Variants in RABGAP1L observed in about 807,000 individuals in gnomAD.
RABGAP1L encodes the protein rab GTPase-activating protein 1-like.
RABGAP1L carries 63 observed loss-of-function variants against 137.7 expected under a neutral mutation model. The ratio of observed to expected loss-of-function variants is 0.46; its 90% CI spans 0.37 to 0.56. The LOEUF is 0.56. RABGAP1L is among the 20% of genes least tolerant of loss of function. The probability of loss-of-function intolerance (pLI) is 0.00; values close to 1 mark genes in which losing one functional copy is unlikely to be tolerated. For synonymous variants in RABGAP1L, 431 were observed against 433.7 expected (o/e 0.99, Z 0.08); for missense variants, 1,095 against 1,244.0 (o/e 0.88, Z 1.80).
At chr1:174,885,448 C>T (rs1249399202) in intron 19 of RABGAP1L, among the ~76,000 whole-genome samples, 1 of 152,144 alleles carries the variant, frequency 6.6e-6, no homozygotes, top group Admixed American at 6.5e-5. Flanking sequence ...GCCTCAACCT[C>T]CTAGGATCAG....
In RABGAP1L at chr1:174,448,553, T is replaced by G; in HGVS notation, c.1710+54408T>G. ...TTATCTTGCAATAACCAAGCCTCTT[T>G]CCTACAATCAACTGGTCACCCCTTG... is the stretch of plus-strand genomic sequence containing the variant. On this transcript the variant is annotated intron_variant, in intron 13 of 25. Transcript: ENST00000681986. This position sits in a 1 kb window ranked among gnomAD's most constrained non-coding sequence, Gnocchi z 4.2. 1 of 1,613,478 alleles carries G rather than the reference T, an allele frequency of 6.2e-7. No homozygotes were observed. The highest frequency in any genetic ancestry group is 8.5e-7 in the Non-Finnish European group (1 of 1,179,464).
chr1:174,981,799 T>C (rs1671156536), intron 23 of RABGAP1L, among the ~76,000 whole-genome samples: 1 of 152,182 alleles, frequency 6.6e-6, no homozygotes, highest in Admixed American at 6.5e-5. Context: ...TTCTAATACT[T>C]GTTAGCACCT....
At chr1:174,325,548 T>A (rs1395160917) in intron 11 of RABGAP1L, among the ~76,000 whole-genome samples, 1 of 152,220 alleles carries the variant, frequency 6.6e-6, no homozygotes, top group Non-Finnish European at 1.5e-5. Context: ...TCTCTGTGAC[T>A]AAGATGCCTC....
intron 13 of RABGAP1L, among the ~76,000 whole-genome samples, chr1:174,626,881 T>C (rs1235438302): frequency 6.6e-6 from 1 of 152,186 alleles, no homozygotes; most frequent in Non-Finnish European, 1.5e-5. Context: ...AGCAGACCAA[T>C]TTGTGATGTT....
At chr1:174,530,740 T>C (rs1664318195) in intron 13 of RABGAP1L, among the ~76,000 whole-genome samples, 1 of 152,190 alleles carries the variant, frequency 6.6e-6, no homozygotes, top group South Asian at 2.1e-4. Context: ...CTCACTATTT[T>C]GGTTCTTCTT....
At chr1:174,275,070 A>G (rs1037589055) in intron 8 of RABGAP1L, 4 of 152,182 alleles carry the variant, frequency 2.6e-5, no homozygotes, top group Non-Finnish European at 5.9e-5. Context: ...TACACAAGCT[A>G]TAAGTAGCCT....
In RABGAP1L at chr1:174,241,538, T is replaced by G; in HGVS notation, c.598T>G (p.Leu200Val). Residue 200 changes from leucine to valine, a missense_variant, in exon 5 of 26, where the codon TTA becomes GTA. Physicochemically the swap from Leu to Val is conservative, Grantham distance 32. Around this residue, in one of 4 missense-constraint regions of RABGAP1L, gnomAD observed 356 missense variants for 326.3 expected, o/e 1.09. Coordinates refer to ENST00000681986, the MANE Select transcript of RABGAP1L (RefSeq NM_001366446.1). Reference sequence around the variant, plus strand: ...AGCATCTTTTCCAATCTATAAGGTGTTATTCTGTGCACGTGGACATGACGG... The same window carrying G: ...AGCATCTTTTCCAATCTATAAGGTGGTATTCTGTGCACGTGGACATGACGG... ...EIASFPIYKV[L>V]FCARGHDGTT... 6.2e-7 allele frequency: 1 copy of G among 1,613,162 alleles called. No homozygotes were observed. Among genetic ancestry groups the G allele is most frequent in the Non-Finnish European group, 8.5e-7 (1 of 1,179,192 alleles).
chr1:174,294,946 T>TCTC (rs1676977226), intron 10 of RABGAP1L, among the ~76,000 whole-genome samples: 1 of 151,366 alleles, frequency 6.6e-6, no homozygotes, highest in Admixed American at 6.6e-5. Context: ...TGAGACAGAG[T>TCTC]CTCCCTCTGT....
intron 13 of RABGAP1L, among the ~76,000 whole-genome samples, chr1:174,467,449 T>C (rs1206620877): frequency 6.6e-6 from 1 of 151,652 alleles, no homozygotes; most frequent in Admixed American, 6.6e-5. Flanking sequence ...AAGTTGAGAA[T>C]TGCCTGGGTA....
At chr1:174,887,248 T>C (rs990578308) in intron 19 of RABGAP1L, among the ~76,000 whole-genome samples, 1 of 152,134 alleles carries the variant, frequency 6.6e-6, no homozygotes, top group African/African-American at 2.4e-5. Context: ...CTACCACATA[T>C]ATAATTGACC....
At chr1:174,268,574 A>C (rs1399800041) in intron 7 of RABGAP1L, among the ~76,000 whole-genome samples, 1 of 151,922 alleles carries the variant, frequency 6.6e-6, no homozygotes, top group African/African-American at 2.4e-5. Context: ...CTCCTTCCCT[A>C]CCTTCCATTT....
At chr1:174,633,154 C>A (rs1673585409) in intron 13 of RABGAP1L, among the ~76,000 whole-genome samples, 1 of 151,064 alleles carries the variant, frequency 6.6e-6, no homozygotes, top group Non-Finnish European at 1.5e-5. Flanking sequence ...AGCCCAAAAT[C>A]TCCTTAAGCT....
chr1:174,330,358 T>C (rs1169573056), intron 11 of RABGAP1L, among the ~76,000 whole-genome samples: 1 of 152,124 alleles, frequency 6.6e-6, no homozygotes, highest in Non-Finnish European at 1.5e-5. Flanking sequence ...GGCAGGAGGA[T>C]CTCTTGAAGG....
At chr1:174,623,417 T>G (rs1205637602) in intron 13 of RABGAP1L, among the ~76,000 whole-genome samples, 2 of 152,102 alleles carry the variant, frequency 1.3e-5, no homozygotes, top group Non-Finnish European at 2.9e-5. Context: ...CATAATTAAT[T>G]AAACATGCTC....
intron 7 of RABGAP1L, among the ~76,000 whole-genome samples, chr1:174,269,117 G>A (rs1039087634): frequency 6.6e-6 from 1 of 152,000 alleles, no homozygotes; most frequent in Non-Finnish European, 1.5e-5. Flanking sequence ...TAATTTTTTT[G>A]TATTTTTAGT....
chr1:174,208,418 T>C (rs1023377906), intron 1 of RABGAP1L, among the ~76,000 whole-genome samples: 1 of 152,158 alleles, frequency 6.6e-6, no homozygotes, highest in East Asian at 1.9e-4. Context: ...TTATTAAGTG[T>C]GATGTTTTGT....
intron 11 of RABGAP1L, among the ~76,000 whole-genome samples, chr1:174,355,727 T>G (rs1253111568): frequency 6.6e-6 from 1 of 152,192 alleles, no homozygotes; most frequent in Non-Finnish European, 1.5e-5. Flanking sequence ...GTTTCAATGA[T>G]TAATGATACG....
chr1:174,635,488 C>T (rs1673930750), intron 13 of RABGAP1L, among the ~76,000 whole-genome samples: 1 of 152,178 alleles, frequency 6.6e-6, no homozygotes, highest in Non-Finnish European at 1.5e-5. Context: ...AGAAATGTTT[C>T]ATAATATATC....
intron 17 of RABGAP1L, among the ~76,000 whole-genome samples, chr1:174,703,866 G>T (rs1211417770): frequency 6.6e-6 from 1 of 151,984 alleles, no homozygotes; most frequent in East Asian, 1.9e-4. Flanking sequence ...ATGCTCATTG[G>T]CCATTTGTAT....
Sources: gnomAD v4.1 joint callset for allele counts (sites outside exome capture counted in the v4.1 genomes callset) on GRCh38, gnomAD v4.1.1 for gene constraint, gnomAD v4.1.1 regional missense constraint, Gnocchi (gnomAD v3.1) non-coding constraint, MANE v1.5 for transcripts, NCBI Gene and HGNC (gene_info 2026-07-23, HGNC 2026-07-21) for gene names.